Variants in SORCS3 observed in about 807,000 individuals in gnomAD.
The protein encoded by SORCS3 is VPS10 domain-containing receptor SorCS3.
In SORCS3, 57 loss-of-function variants were observed where a neutral mutation model predicts 146.3. The ratio of observed to expected loss-of-function variants is 0.39; its 90% CI spans 0.31 to 0.49. SORCS3 has a LOEUF of 0.49. Among genes scored for constraint, SORCS3 ranks in the 20% least tolerant of loss-of-function variants. The pLI is 0.92. For synonymous variants in SORCS3, 653 were observed against 618.5 expected, an observed-to-expected ratio of 1.06 and a Z score of -0.83; for missense variants, 1,341 against 1,575.5, an observed-to-expected ratio of 0.85 and a Z score of 2.52.
intron 20 of SORCS3, among the ~76,000 whole-genome samples, chr10:105,240,633 G>A (rs962397876): frequency 3.9e-5 from 6 of 151,964 alleles, no homozygotes; most frequent in East Asian, 1.9e-4. Flanking sequence ...ATCATTAACC[G>A]TAGTTGAATT....
chr10:104,985,925 G>T (rs1355531261), intron 4 of SORCS3, among the ~76,000 whole-genome samples: 3 of 152,184 alleles, frequency 2.0e-5, no homozygotes, highest in African/African-American at 7.2e-5. Flanking sequence ...ACAGGCAGAG[G>T]AGATTTAGCA....
At chr10:105,162,976 C>T (rs567640682) in intron 11 of SORCS3, among the ~76,000 whole-genome samples, 1 of 152,082 alleles carries the variant, frequency 6.6e-6, no homozygotes, top group Admixed American at 6.5e-5. Flanking sequence ...ATATTCTCCT[C>T]CCCATTTCCC....
chr10:105,184,103 G>A (rs2056460235), intron 14 of SORCS3, among the ~76,000 whole-genome samples: 1 of 152,204 alleles, frequency 6.6e-6, no homozygotes, highest in Admixed American at 6.5e-5. Context: ...CAGGCCACTT[G>A]CAGGGAAGAG....
intron 1 of SORCS3, among the ~76,000 whole-genome samples, chr10:104,726,351 A>G (rs1290156239): frequency 6.6e-6 from 1 of 152,104 alleles, no homozygotes; most frequent in Non-Finnish European, 1.5e-5. Flanking sequence ...CTTGTTTGTA[A>G]ATGGTTTTAC....
chr10:104,929,520 C>T (rs1534111), intron 3 of SORCS3, among the ~76,000 whole-genome samples: 14,992 of 152,322 alleles, frequency 0.098, 817 homozygotes, highest in South Asian at 0.24. Context: ...TGCCTGTGTG[C>T]TCTGTAGCAG....
chr10:104,977,063 A>T (rs550409497), intron 3 of SORCS3, among the ~76,000 whole-genome samples: 208 of 145,114 alleles, frequency 1.4e-3, no homozygotes, highest in Non-Finnish European at 2.4e-3. Context: ...GTATAATAAT[A>T]AAAAAAAAAA....
intron 20 of SORCS3, among the ~76,000 whole-genome samples, chr10:105,243,053 T>G (rs1005043548): frequency 1.5e-5 from 2 of 136,764 alleles, no homozygotes; most frequent in African/African-American, 5.4e-5. Context: ...TTATATATAT[T>G]TATATATTTA....
At position 105,254,411 on chromosome 10, in the gene SORCS3, G is replaced by A. The variant is rs570687196; in HGVS notation, c.3238-1291G>A. On this transcript the variant is annotated intron_variant, in intron 23 of 26. Transcript: ENST00000369701. ...GAATGAAACATCTATGTCTATTATA[G>A]CTCTAATTCACCAGTGACTGTAGGC... Among the ~76,000 whole-genome samples the A allele has an allele frequency of 2.0e-5, 3 of 152,286 alleles. No individual in the cohort carries two copies. In the South Asian group the frequency reaches 6.2e-4, roughly 32 times the overall value.
intron 1 of SORCS3, among the ~76,000 whole-genome samples, chr10:104,737,138 A>G (rs1589479087): frequency 6.6e-6 from 1 of 152,166 alleles, no homozygotes; most frequent in Non-Finnish European, 1.5e-5. Flanking sequence ...ATAGTATTCC[A>G]TGGTGTATAT....
At chr10:105,228,120 G>A (rs997861254) in intron 20 of SORCS3, among the ~76,000 whole-genome samples, 2 of 151,576 alleles carry the variant, frequency 1.3e-5, no homozygotes, top group Non-Finnish European at 2.9e-5. Context: ...ATATGTGAGG[G>A]CCTATTTCTA....
intron 1 of SORCS3, among the ~76,000 whole-genome samples, chr10:104,665,293 T>G (rs2015759172): frequency 6.6e-6 from 1 of 152,216 alleles, no homozygotes; most frequent in Admixed American, 6.5e-5. Context: ...TAGCTACTGC[T>G]GTGGACTGTG....
At chr10:105,043,933 C>G (rs2055353354) in intron 5 of SORCS3, among the ~76,000 whole-genome samples, 2 of 151,992 alleles carry the variant, frequency 1.3e-5, no homozygotes, top group Non-Finnish European at 2.9e-5. Flanking sequence ...TACAAATTTG[C>G]CTTTTACACT....
Position 104,641,563 on chromosome 10 carries a change from C to A in SORCS3, c.236C>A (p.Ala79Asp). The change falls in exon 1 of 27, where the codon GCC (alanine) becomes GAC (aspartate). Residue 79 changes from alanine (A) to aspartate (D), a missense_variant. By Grantham distance (126) the Ala-to-Asp change is moderately radical. Coordinates refer to ENST00000369701, the MANE Select transcript of SORCS3 (RefSeq NM_014978.3). This position sits in a 1 kb window ranked among gnomAD's most constrained non-coding sequence, Gnocchi z 6.4. The stretch of plus-strand genomic sequence containing the variant: ...GAGCTGGCGTCGGCGCGGAGAGCCG[C>A]CGTGCTGGGGCGCCGGGCCGGACCA... ...PEELASARRA[A>D]VLGRRAGPEL... 6.8e-7 allele frequency: 1 copy of A among 1,469,478 alleles called. No homozygotes were observed. Among genetic ancestry groups the A allele is most frequent in the Non-Finnish European group, 8.9e-7 (1 of 1,120,850 alleles). 91.0% of individuals were successfully genotyped at this position (1,469,478 alleles called of 1,614,324 possible).
At chr10:104,909,433 T>G (rs1025241069) in intron 2 of SORCS3, among the ~76,000 whole-genome samples, 3 of 151,894 alleles carry the variant, frequency 2.0e-5, no homozygotes, top group African/African-American at 7.3e-5. Context: ...TTTGCCAATT[T>G]TAGATTGTTT....
chr10:104,981,946 A>T (rs962724437), intron 4 of SORCS3, among the ~76,000 whole-genome samples: 4 of 152,210 alleles, frequency 2.6e-5, no homozygotes, highest in Admixed American at 2.0e-4. Context: ...GTTTTCAGAC[A>T]CTTCTGGGCC....
Position 105,100,340 on chromosome 10 carries a change from A to T in SORCS3, c.1094-5057A>T, listed in dbSNP as rs534818200. On this transcript the variant is annotated intron_variant, in intron 6 of 26. Coordinates refer to ENST00000369701, the MANE Select transcript of SORCS3 (RefSeq NM_014978.3). The stretch of plus-strand genomic sequence containing the variant: ...TCTAGTTTTTACATAGGGATATCCA[A>T]ATGAGATCTTTCTACTGTCTGTTCT... Among the ~76,000 whole-genome samples the T allele has an allele frequency of 4.6e-5, 7 of 152,346 alleles. No homozygotes were observed. The East Asian group carries it at 1.3e-3, about 29-fold the overall frequency.
chr10:105,191,542 A>G (rs2056517019), intron 14 of SORCS3, among the ~76,000 whole-genome samples: 3 of 152,234 alleles, frequency 2.0e-5, no homozygotes, highest in African/African-American at 4.8e-5. Context: ...TCCAAAGGTT[A>G]GTATGATTTT....
At chr10:105,089,200 A>G (rs2055684264) in intron 5 of SORCS3, among the ~76,000 whole-genome samples, 1 of 152,234 alleles carries the variant, frequency 6.6e-6, no homozygotes, top group South Asian at 2.1e-4. Flanking sequence ...TGTCCGTGTC[A>G]GACCAGATTT....
At chr10:104,784,061 C>G (rs1179065218) in intron 1 of SORCS3, among the ~76,000 whole-genome samples, 2 of 152,292 alleles carry the variant, frequency 1.3e-5, no homozygotes, top group East Asian at 3.9e-4. Context: ...AGGGAAGAGT[C>G]CTGTTTATCT....
Sources: allele counts gnomAD v4.1 joint callset (sites outside exome capture counted in the v4.1 genomes callset), GRCh38; gene constraint gnomAD v4.1.1; non-coding constraint Gnocchi (gnomAD v3.1); transcripts MANE v1.5; gene names NCBI Gene and HGNC (gene_info 2026-07-23, HGNC 2026-07-21).